The following RGS6 variants were observed in gnomAD, a reference collection of about 807,000 sequenced individuals.
RGS6 encodes regulator of G-protein signaling 6.
Under a neutral mutation model 78.5 loss-of-function variants are expected in RGS6, and 30 were observed. The ratio of observed to expected loss-of-function variants is 0.38; its 90% CI spans 0.29 to 0.52. The LOEUF (loss-of-function observed/expected upper bound fraction) is 0.52. RGS6 is among the 20% of genes least tolerant of loss of function. The pLI is 0.85. For synonymous variants in RGS6, 206 were observed against 206.0 expected, an observed-to-expected ratio of 1.00 and a Z score of 0.00; for missense variants, 495 against 609.7, an observed-to-expected ratio of 0.81 and a Z score of 1.98.
the RGS6 span, among the ~76,000 whole-genome samples, chr14:72,584,556 A>G: frequency 6.6e-6 from 1 of 152,174 alleles, no homozygotes; most frequent in Non-Finnish European, 1.5e-5. Flanking sequence ...GGGTTGGGAG[A>G]AGAGCCAGTG....
At chr14:72,410,706 A>G (rs1455590473) in intron 3 of RGS6, among the ~76,000 whole-genome samples, 1 of 152,178 alleles carries the variant, frequency 6.6e-6, no homozygotes, top group Non-Finnish European at 1.5e-5. Flanking sequence ...TTTTAGGTCT[A>G]ACATGTAAGT....
At chr14:72,456,441 C>T (rs1472090950) in intron 4 of RGS6, among the ~76,000 whole-genome samples, 1 of 152,196 alleles carries the variant, frequency 6.6e-6, no homozygotes, top group Non-Finnish European at 1.5e-5. Context: ...AGGCTCCTAG[C>T]ACCACATCCA....
At chr14:72,622,254 T>TA in the RGS6 span, among the ~76,000 whole-genome samples, 1 of 152,086 alleles carries the variant, frequency 6.6e-6, no homozygotes, top group Non-Finnish European at 1.5e-5. Context: ...GCCAAGAGTT[T>TA]ACTGAGAAGA....
In RGS6 at chr14:72,275,285, A is replaced by C. The variant is rs190445070; in HGVS notation, c.85-76810A>C. ...AATGTTAAAAGGAGATGGCAGTTTT[A>C]GTCACTTAATAACCATAATACTAAC... On this transcript the variant is annotated intron_variant, in intron 2 of 17. Coordinates refer to ENST00000553525, the MANE Select transcript of RGS6 (RefSeq NM_001204424.2). Among the ~76,000 whole-genome samples the C allele has an allele frequency of 3.5e-3, 531 of 152,364 alleles. 11 individuals carry two copies. Among genetic ancestry groups the C allele is most frequent in the Admixed American group, 0.029 (451 of 15,302 alleles).
intron 2 of RGS6, among the ~76,000 whole-genome samples, chr14:72,344,054 A>G (rs1465655238): frequency 6.6e-6 from 1 of 152,178 alleles, no homozygotes; most frequent in Non-Finnish European, 1.5e-5. Context: ...ACAGATTCTT[A>G]AACAAGAAAG....
intron 4 of RGS6, among the ~76,000 whole-genome samples, chr14:72,457,708 A>C (rs1224670820): frequency 6.6e-6 from 1 of 152,200 alleles, no homozygotes; most frequent in African/African-American, 2.4e-5. Flanking sequence ...TGCCCACTTC[A>C]GTGTCCTTCC....
the RGS6 span, among the ~76,000 whole-genome samples, chr14:71,879,922 A>AAAAGGGGGGAAAAAGGGG: frequency 6.6e-6 from 1 of 152,262 alleles, no homozygotes; most frequent in Non-Finnish European, 1.5e-5. Context: ...ACTCAGAAGA[A>AAAAGGGGGGAAAAAGGGG]GACAGGAAAA....
intron 2 of RGS6, among the ~76,000 whole-genome samples, chr14:72,135,620 T>C (rs2096421435): frequency 6.6e-6 from 1 of 152,132 alleles, no homozygotes; most frequent in Non-Finnish European, 1.5e-5. Context: ...TAATATTCTT[T>C]TTTTTTTCCT....
intron 2 of RGS6, among the ~76,000 whole-genome samples, chr14:72,228,463 G>T (rs1417871179): frequency 6.6e-6 from 1 of 152,180 alleles, no homozygotes; most frequent in Non-Finnish European, 1.5e-5. Context: ...CTTGTTAGTA[G>T]GGACCCATTG....
At position 72,087,669 on chromosome 14, in the gene RGS6, A is replaced by G. The variant is rs1303286879; in HGVS notation, c.84+122794A>G. On this transcript the variant is annotated intron_variant, in intron 2 of 17. Coordinates refer to ENST00000553525, the MANE Select transcript of RGS6 (RefSeq NM_001204424.2). ...GAAGAAAACAGACAAAATTCAGAAT[A>G]GTGGTTATAGTTGGGGTGAGGTGAG... 2.0e-5 allele frequency among the ~76,000 whole-genome samples: 3 copies of G among 151,974 alleles called. No homozygotes were observed. In the East Asian group the frequency reaches 5.8e-4, roughly 29 times the overall value.
At chr14:71,941,396 TC>T (rs1359559738) in intron 1 of RGS6, among the ~76,000 whole-genome samples, 1 of 152,182 alleles carries the variant, frequency 6.6e-6, no homozygotes, top group African/African-American at 2.4e-5. Context: ...ACGAAAGAAC[TC>T]CATTCTTAAT....
chr14:72,366,789 C>A (rs1596326366), intron 3 of RGS6, among the ~76,000 whole-genome samples: 1 of 152,202 alleles, frequency 6.6e-6, no homozygotes, highest in Non-Finnish European at 1.5e-5. Flanking sequence ...CCACGCCCCA[C>A]CTGCCCTGCA....
At chr14:72,318,941 T>A (rs183292384) in intron 2 of RGS6, among the ~76,000 whole-genome samples, 5 of 152,232 alleles carry the variant, frequency 3.3e-5, no homozygotes, top group African/African-American at 1.2e-4. Context: ...ACACAACCCT[T>A]TGTAATAAGA....
At position 72,472,967 on chromosome 14, in the gene RGS6, A is replaced by T; in HGVS notation, c.618+14A>T. ...CACAGGCCTGTGGTGAGAAAGCGCT[A>T]CTCAATTCTCTAGATTTTTTTTTCT... is the stretch of plus-strand genomic sequence containing the variant. On this transcript the variant is annotated intron_variant, in intron 9 of 17. Coordinates refer to ENST00000553525, the MANE Select transcript of RGS6 (RefSeq NM_001204424.2). 1.4e-5 allele frequency: 22 copies of T among 1,562,948 alleles called. No homozygotes were observed. Among genetic ancestry groups the T allele is most frequent in the Non-Finnish European group, 1.8e-5 (21 of 1,157,362 alleles).
At chr14:71,956,336 T>TGA (rs1175538624) in intron 1 of RGS6, among the ~76,000 whole-genome samples, 1 of 38,638 alleles carries the variant, frequency 2.6e-5, no homozygotes, top group Non-Finnish European at 4.9e-5. Flanking sequence ...TAATAGTGTG[T>TGA]GTGTGTGTGT....
intron 2 of RGS6, among the ~76,000 whole-genome samples, chr14:71,999,737 A>T (rs2083063956): frequency 6.6e-6 from 1 of 152,182 alleles, no homozygotes; most frequent in Admixed American, 6.5e-5. Flanking sequence ...TGCTCTGGAC[A>T]TGTGAATTGC....
chr14:72,024,641 GA>G (rs1257722282), intron 2 of RGS6, among the ~76,000 whole-genome samples: 1 of 152,080 alleles, frequency 6.6e-6, no homozygotes, highest in Non-Finnish European at 1.5e-5. Context: ...TTCTGTGGTC[GA>G]AATTCTCAGA....
intron 2 of RGS6, among the ~76,000 whole-genome samples, chr14:72,209,269 T>C (rs2043446823): frequency 1.3e-5 from 2 of 152,176 alleles, no homozygotes; most frequent in Admixed American, 1.3e-4. Flanking sequence ...GTACGTTTAG[T>C]ATCTAACAAG....
At chr14:72,138,449 G>GTTTT (rs71448384) in intron 2 of RGS6, among the ~76,000 whole-genome samples, 14 of 86,666 alleles carry the variant, frequency 1.6e-4, no homozygotes, top group South Asian at 1.6e-3. Flanking sequence ...ACCTGTACCT[G>GTTTT]TTTTTTTTTT....
Sources: allele counts gnomAD v4.1 joint callset (sites outside exome capture counted in the v4.1 genomes callset), GRCh38; gene constraint gnomAD v4.1.1; transcripts MANE v1.5; gene names NCBI Gene and HGNC (gene_info 2026-07-23, HGNC 2026-07-21).